Variants in IRF4 observed in about 807,000 individuals in gnomAD.
The protein encoded by IRF4 is lymphocyte-specific interferon regulatory factor.
IRF4 carries 13 observed loss-of-function variants against 55.5 expected under a neutral mutation model. That is an observed-to-expected ratio of 0.23 (90% CI 0.15 to 0.37). The LOEUF (loss-of-function observed/expected upper bound fraction) is 0.37, where lower values mean the gene tolerates loss of function less well. Ranked by LOEUF, IRF4 falls within the 10% of genes least tolerant of loss-of-function variation. IRF4 has a pLI of 1.00. For synonymous variants in IRF4, 249 were observed against 240.7 expected, an observed-to-expected ratio of 1.03 and a Z score of -0.32; for missense variants, 397 against 593.8, an observed-to-expected ratio of 0.67 and a Z score of 3.44.
In IRF4 at chr6:409,784, C is replaced by A. The variant is rs982665661; in HGVS notation, c.*2186C>A. ...GAAGAATATTTAACCCCACACAGCA[C>A]TTCAAAGAAGCTGTCTTGGAAGTCT... On this transcript the variant is annotated 3_prime_UTR_variant, in exon 9 of 9. Coordinates refer to ENST00000380956, the MANE Select transcript of IRF4 (RefSeq NM_002460.4). 1.3e-5 allele frequency: 3 copies of A among 229,052 alleles called. No homozygotes were observed. The highest frequency in any genetic ancestry group is 5.7e-5 in the Admixed American group (1 of 17,586). 14.2% of individuals were successfully genotyped at this position (229,052 alleles called of 1,614,324 possible). A position where few individuals can be genotyped will look rare whatever the true frequency, so the allele number is the denominator to read the frequency against.
In IRF4 at chr6:410,109, C is replaced by T. The variant is rs1246202879; in HGVS notation, c.*2511C>T. 8.8e-6 allele frequency: 2 copies of T among 227,156 alleles called. No individual in the cohort carries two copies. The highest frequency in any genetic ancestry group is 1.8e-5 in the Non-Finnish European group (2 of 114,270). 14.1% of individuals were successfully genotyped at this position (227,156 alleles called of 1,614,324 possible). A position where few individuals can be genotyped will look rare whatever the true frequency, so the allele number is the denominator to read the frequency against. On this transcript the variant is annotated 3_prime_UTR_variant, in exon 9 of 9. Coordinates refer to ENST00000380956, the MANE Select transcript of IRF4 (RefSeq NM_002460.4). ...CAGGACTCTGAAAAGGAACGGCTTCCTCATTCCTTGTCTTGATAAAGTGGA... is the reference window on the plus strand; with the variant it reads ...CAGGACTCTGAAAAGGAACGGCTTCTTCATTCCTTGTCTTGATAAAGTGGA...
In IRF4 at chr6:393,662, C is replaced by T. The variant is rs945389142; in HGVS notation, c.216+294C>T. 6.6e-6 allele frequency among the ~76,000 whole-genome samples: 1 copy of T among 152,000 alleles called. No homozygotes were observed. Among genetic ancestry groups the T allele is most frequent in the Non-Finnish European group, 1.5e-5 (1 of 67,976 alleles). ...GGCCAAAGGCTTGAGGGGTTTTGCG[C>T]GTTCGTCCGTGCGTTCTCGTTTCCA... On this transcript the variant is annotated intron_variant, in intron 2 of 8. Transcript: ENST00000380956. The surrounding 1 kb of genome is among the most constrained non-coding windows in gnomAD (Gnocchi z 5.4).
At chr6:395,747 C>G in intron 3 of IRF4, 100 bp from the exon 4 acceptor site, 1 of 860,610 alleles carries the variant, frequency 1.2e-6, no homozygotes, top group Non-Finnish European at 1.9e-6. Context: ...GTTATGCATT[C>G]TAAGAATTAA....
intron 5 of IRF4, 26 bp downstream of exon 5, chr6:397,278 T>C (rs369827408): frequency 1.2e-6 from 2 of 1,613,266 alleles, no homozygotes; most frequent in South Asian, 2.2e-5. Flanking sequence ...GTGCAGGAAA[T>C]AGAAGAGCTA....
intron 8 of IRF4, chr6:406,734 CT>C: frequency 8.8e-7 from 1 of 1,139,062 alleles, no homozygotes; most frequent in Middle Eastern, 2.3e-4. Context: ...ATGAGTTCCA[CT>C]TTTAAAAATT....
chr6:393,381 G>C lies in IRF4; in HGVS notation c.216+13G>C. On this transcript the variant is annotated intron_variant, in intron 2 of 8. Coordinates refer to ENST00000380956, the MANE Select transcript of IRF4 (RefSeq NM_002460.4). This position sits in a 1 kb window ranked among gnomAD's most constrained non-coding sequence, Gnocchi z 5.4. ...CGCGCTCTTCAAGGTCTCCGGCCTC[G>C]GGAGCCGGCGGGGGCGCGCCGGGGA... 1.3e-6 allele frequency: 2 copies of C among 1,553,754 alleles called. No individual in the cohort carries two copies. The highest frequency in any genetic ancestry group is 1.7e-6 in the Non-Finnish European group (2 of 1,147,620).
Position 395,932 on chromosome 6 carries a change from C to G in IRF4, c.489C>G (p.Ala163=), listed in dbSNP as rs1168465647. The G allele has an allele frequency of 1.2e-6, 2 of 1,612,304 alleles. No individual in the cohort carries two copies. The highest frequency in any genetic ancestry group is 1.7e-5 in the Admixed American group (1 of 59,886). Residue 163 remains alanine, a synonymous_variant, in exon 4 of 9, where the codon GCC becomes GCG. Coordinates refer to ENST00000380956, the MANE Select transcript of IRF4 (RefSeq NM_002460.4). ...TMTTPYPSLP[A]QQVHNYMMPP... ...CAACGCCTTACCCTTCGCTCCCAGCCCAGGTATGGTGGAGGGCACTGGGCT... is the reference window on the plus strand; with the variant it reads ...CAACGCCTTACCCTTCGCTCCCAGCGCAGGTATGGTGGAGGGCACTGGGCT...
chr6:398,130 T>C (rs1308802746), intron 5 of IRF4, among the ~76,000 whole-genome samples: 1 of 152,186 alleles, frequency 6.6e-6, no homozygotes, highest in African/African-American at 2.4e-5. Context: ...TGGTTTCCAA[T>C]ATGGTAGTGG....
At chr6:395,988 C>T in intron 4 of IRF4, 53 bp downstream of exon 4, 1 of 1,410,746 alleles carries the variant, frequency 7.1e-7, no homozygotes, top group South Asian at 1.2e-5. Flanking sequence ...GGGCCAGCTG[C>T]CCACATGGCC....
intron 8 of IRF4, among the ~76,000 whole-genome samples, chr6:406,137 C>G (rs935130288): frequency 6.6e-6 from 1 of 152,210 alleles, no homozygotes; most frequent in Non-Finnish European, 1.5e-5. Context: ...TGAGTTCTCT[C>G]CAGTGATTGA....
Position 410,180 on chromosome 6 carries a change from G to A in IRF4, c.*2582G>A. 4.4e-6 allele frequency: 1 copy of A among 229,606 alleles called. No individual in the cohort carries two copies. The highest frequency in any genetic ancestry group is 8.6e-6 in the Non-Finnish European group (1 of 115,686). The allele number at this position is 229,606 out of a possible 1,614,324, so 14.2% of individuals were successfully genotyped here. ...TTTGTACTCAGTGGACAGTGCTGTTGAAGATTTGAGGACTTGTTAAAGAGC... is the reference window on the plus strand; with the variant it reads ...TTTGTACTCAGTGGACAGTGCTGTTAAAGATTTGAGGACTTGTTAAAGAGC... On this transcript the variant is annotated 3_prime_UTR_variant, in exon 9 of 9. Coordinates refer to ENST00000380956, the MANE Select transcript of IRF4 (RefSeq NM_002460.4).
chr6:396,248 G>A (rs1761255198), intron 4 of IRF4, among the ~76,000 whole-genome samples: 1 of 152,266 alleles, frequency 6.6e-6, no homozygotes. Flanking sequence ...AAACCACAGG[G>A]CAGCTGATCT....
chr6:407,256 G>GT (rs1353408454), intron 8 of IRF4, among the ~76,000 whole-genome samples, 199 bp from the exon 9 acceptor site: 2 of 152,134 alleles, frequency 1.3e-5, no homozygotes, highest in East Asian at 1.9e-4. Flanking sequence ...CACTTTGGCT[G>GT]TTTTTTTACA....
At chr6:401,017 TATC>T (rs1317501455) in intron 6 of IRF4, among the ~76,000 whole-genome samples, 4 of 152,200 alleles carry the variant, frequency 2.6e-5, no homozygotes, top group African/African-American at 7.2e-5. Flanking sequence ...ACATCACCAC[TATC>T]ATCATCATAA....
At position 393,197 on chromosome 6, in the gene IRF4, C is replaced by T. The variant is rs1461973609; in HGVS notation, c.45C>T (p.Ser15=). The change falls in exon 2 of 9, where the codon AGC becomes AGT. Residue 15 remains serine (S), a synonymous_variant. Coordinates refer to ENST00000380956, the MANE Select transcript of IRF4 (RefSeq NM_002460.4). The surrounding 1 kb of genome is among the most constrained non-coding windows in gnomAD (Gnocchi z 5.4). ...GCCGAGGCGGAGAGTTCGGCATGAG[C>T]GCGGTGAGCTGCGGCAACGGGAAGC... ...GGGRGGEFGM[S]AVSCGNGKLR... The T allele has an allele frequency of 6.4e-7, 1 of 1,556,552 alleles. No individual in the cohort carries two copies. The highest frequency in any genetic ancestry group is 8.7e-7 in the Non-Finnish European group (1 of 1,149,978).
rs1761657590 is a variant in IRF4, at chr6:410,077, C to G, written c.*2479C>G. 4.4e-6 allele frequency: 1 copy of G among 226,112 alleles called. No homozygotes were observed. The highest frequency in any genetic ancestry group is 8.8e-6 in the Non-Finnish European group (1 of 113,526). The allele number at this position is 226,112 out of a possible 1,614,324, so 14.0% of individuals were successfully genotyped here. A position where few individuals can be genotyped will look rare whatever the true frequency, so the allele number is the denominator to read the frequency against. The stretch of plus-strand genomic sequence containing the variant: ...ATACTCAGGGTTAGGAATCCTAGCA[C>G]TTGTCTCAGGACTCTGAAAAGGAAC... On this transcript the variant is annotated 3_prime_UTR_variant, in exon 9 of 9. Coordinates refer to ENST00000380956, the MANE Select transcript of IRF4 (RefSeq NM_002460.4).
chr6:407,560 T>A lies in IRF4; in HGVS notation c.1318T>A (p.Tyr440Asn), dbSNP rs1438413858. The A allele has an allele frequency of 6.2e-7, 1 of 1,612,770 alleles. No homozygotes were observed. The highest frequency in any genetic ancestry group is 8.5e-7 in the Non-Finnish European group (1 of 1,179,664). The change falls in exon 9 of 9, where the codon TAC becomes AAC. Residue 440 changes from tyrosine (Y) to asparagine (N), a missense_variant. Tyr to Asn is a moderately radical substitution (Grantham distance 143). Around this residue, in one of 3 missense-constraint regions of IRF4, gnomAD observed 22 missense variants for 16.3 expected, o/e 1.35. Coordinates refer to ENST00000380956, the MANE Select transcript of IRF4 (RefSeq NM_002460.4). ...AGAACACATCAGCAATCCAGAAGAT[T>A]ACCACAGATCTATCCGCCATTCCTC... ...LPEHISNPED[Y>N]HRSIRHSSIQ...
intron 7 of IRF4, among the ~76,000 whole-genome samples, chr6:402,415 C>T (rs1462905819): frequency 6.6e-6 from 1 of 152,116 alleles, no homozygotes; most frequent in African/African-American, 2.4e-5. Flanking sequence ...CTTTGTGGGG[C>T]TGTCCAGGTG....
Position 393,034 on chromosome 6 carries a change from G to T in IRF4, c.-55-64G>T, listed in dbSNP as rs926559165. The T allele has an allele frequency of 7.6e-6, 7 of 916,730 alleles. No individual in the cohort carries two copies. The highest frequency in any genetic ancestry group is 8.1e-6 in the Non-Finnish European group (5 of 619,710). The allele number at this position is 916,730 out of a possible 1,614,324, so 56.8% of individuals were successfully genotyped here. A position where few individuals can be genotyped will look rare whatever the true frequency, so the allele number is the denominator to read the frequency against. On this transcript the variant is annotated intron_variant, in intron 1 of 8. Transcript: ENST00000380956. This position sits in a 1 kb window ranked among gnomAD's most constrained non-coding sequence, Gnocchi z 5.4. ...GGGGCCTCGTGGTCACTGGCGCAGG[G>T]GATCGGGGCGGGGTGCCCGGAGTGC...
Sources: gnomAD v4.1 joint callset for allele counts (sites outside exome capture counted in the v4.1 genomes callset) on GRCh38, gnomAD v4.1.1 for gene constraint, gnomAD v4.1.1 regional missense constraint, Gnocchi (gnomAD v3.1) non-coding constraint, MANE v1.5 for transcripts, NCBI Gene and HGNC (gene_info 2026-07-23, HGNC 2026-07-21) for gene names.